Variants in ATOSA observed in about 807,000 individuals in gnomAD.
ATOSA encodes atos homolog A, also known as atos homolog protein A.
At chr15:52,593,859 T>C in the ATOSA span, 8 of 973,990 alleles carry the variant, frequency 8.2e-6, no homozygotes, top group Middle Eastern at 3.3e-4. Flanking sequence ...TATATTACTA[T>C]GCTTTCTAGC....
chr15:52,635,923 G>C, the ATOSA span, among the ~76,000 whole-genome samples: 6 of 151,280 alleles, frequency 4.0e-5, no homozygotes, highest in African/African-American at 1.5e-4. Context: ...TTGAACCCCG[G>C]GGGCAGGGGA....
the ATOSA span, among the ~76,000 whole-genome samples, chr15:52,693,882 T>A: frequency 6.6e-6 from 1 of 152,180 alleles, no homozygotes; most frequent in Non-Finnish European, 1.5e-5. Flanking sequence ...CCTCTCATAC[T>A]TATGTAGAAG....
the ATOSA span, among the ~76,000 whole-genome samples, chr15:52,637,263 C>T: frequency 3.5e-4 from 54 of 152,198 alleles, 2 homozygotes; most frequent in South Asian, 0.01. Flanking sequence ...AAGAAATCTT[C>T]TGTTCTATGG....
chr15:52,641,817 C>T, the ATOSA span, among the ~76,000 whole-genome samples: 1 of 152,168 alleles, frequency 6.6e-6, no homozygotes, highest in Non-Finnish European at 1.5e-5. Context: ...GCTCTGTTTC[C>T]TCTTTGAAAT....
chr15:52,647,658 T>C, the ATOSA span, among the ~76,000 whole-genome samples: 3 of 152,250 alleles, frequency 2.0e-5, no homozygotes, highest in East Asian at 5.8e-4. Flanking sequence ...CACCAAGGGA[T>C]TTAGCAACTC....
the ATOSA span, among the ~76,000 whole-genome samples, chr15:52,623,292 A>G: frequency 1.3e-5 from 2 of 152,278 alleles, no homozygotes; most frequent in African/African-American, 4.8e-5. Context: ...ATGCATTTAC[A>G]TTTTAAAATG....
the ATOSA span, among the ~76,000 whole-genome samples, chr15:52,663,566 A>G: frequency 2.0e-5 from 3 of 152,036 alleles, no homozygotes; most frequent in Non-Finnish European, 4.4e-5. Context: ...TGCAAGATAA[A>G]CTAAGAGTTG....
At chr15:52,649,674 A>T in the ATOSA span, 1 of 152,210 alleles carries the variant, frequency 6.6e-6, no homozygotes, top group African/African-American at 2.4e-5. Context: ...TAAAGATATG[A>T]CATAGACAAA....
At chr15:52,649,501 C>G in the ATOSA span, 1 of 152,126 alleles carries the variant, frequency 6.6e-6, no homozygotes, top group South Asian at 2.1e-4. Flanking sequence ...TCAAAATAAT[C>G]AAAAACAATC....
At chr15:52,679,394 G>A in the ATOSA span, 1 of 152,554 alleles carries the variant, frequency 6.6e-6, no homozygotes, top group Admixed American at 6.5e-5. Flanking sequence ...ACACTGCCTA[G>A]GTCACGTGTC....
chr15:52,694,438 T>A, the ATOSA span, among the ~76,000 whole-genome samples: 6 of 152,292 alleles, frequency 3.9e-5, no homozygotes, highest in Admixed American at 3.9e-4. Context: ...GTGCTGGGAT[T>A]ACAGGCATGA....
chr15:52,681,397 A>G, the ATOSA span, among the ~76,000 whole-genome samples: 3 of 152,218 alleles, frequency 2.0e-5, no homozygotes, highest in East Asian at 5.8e-4. Context: ...GTACTATTAC[A>G]GTTACATGGC....
chr15:52,671,739 G>A, the ATOSA span, among the ~76,000 whole-genome samples: 11 of 151,818 alleles, frequency 7.2e-5, no homozygotes, highest in South Asian at 2.1e-3. Flanking sequence ...AAAAAATGAC[G>A]GTTAAGTTCT....
At chr15:52,653,906 C>T in the ATOSA span, among the ~76,000 whole-genome samples, 1 of 151,998 alleles carries the variant, frequency 6.6e-6, no homozygotes, top group Non-Finnish European at 1.5e-5. Flanking sequence ...TGGGAGGTGA[C>T]TAGTGCAAGT....
chr15:52,629,628 C>T, the ATOSA span: 1 of 407,776 alleles, frequency 2.5e-6, no homozygotes, highest in Non-Finnish European at 5.0e-6. Flanking sequence ...ATGGTGAAAT[C>T]CTGTCTCTAC....
the ATOSA span, among the ~76,000 whole-genome samples, chr15:52,625,677 CTG>C: frequency 6.7e-6 from 1 of 148,360 alleles, no homozygotes; most frequent in Admixed American, 6.9e-5. Context: ...GACTAAAACA[CTG>C]TAATATCATA....
At chr15:52,613,120 C>A in the ATOSA span, among the ~76,000 whole-genome samples, 41 of 152,222 alleles carry the variant, frequency 2.7e-4, no homozygotes, top group African/African-American at 9.9e-4. Flanking sequence ...GTAATCCCAG[C>A]ACTTTGGGAG....
chr15:52,609,155 G>T, the ATOSA span: 2 of 1,613,378 alleles, frequency 1.2e-6, no homozygotes, highest in South Asian at 2.2e-5. Flanking sequence ...GGATTGTTCT[G>T]ACACTGATTT....
chr15:52,624,338 T>C, the ATOSA span, among the ~76,000 whole-genome samples: 1 of 152,250 alleles, frequency 6.6e-6, no homozygotes, highest in East Asian at 1.9e-4. Context: ...AGCCCATTCC[T>C]AACTCCTTTC....
Sources: allele counts gnomAD v4.1 joint callset (sites outside exome capture counted in the v4.1 genomes callset), GRCh38; gene constraint gnomAD v4.1.1; transcripts MANE v1.5; gene names NCBI Gene and HGNC (gene_info 2026-07-23, HGNC 2026-07-21).